Variants in TGM6 observed in about 807,000 individuals in gnomAD.
The protein encoded by TGM6 is transglutaminase 6.
Under a neutral mutation model 77.5 loss-of-function variants are expected in TGM6, and 74 were observed. The ratio of observed to expected loss-of-function variants is 0.96; its 90% CI spans 0.79 to 1.16. The LOEUF is 1.16. Ranked by LOEUF, TGM6 falls within the 50% of genes most tolerant of loss-of-function variation. The pLI is 0.00. For missense variants in TGM6, 968 were observed against 940.2 expected (o/e 1.03, Z -0.39); for synonymous variants, 383 against 378.9 (o/e 1.01, Z -0.12).
intron 9 of TGM6, among the ~76,000 whole-genome samples, chr20:2,412,799 A>G (rs2084792497): frequency 6.6e-6 from 1 of 152,184 alleles, no homozygotes; most frequent in Non-Finnish European, 1.5e-5. Context: ...AAAAAGAATA[A>G]AGTACTTAGG....
At chr20:2,386,734 C>T (rs1180301275) in intron 1 of TGM6, among the ~76,000 whole-genome samples, 1 of 152,102 alleles carries the variant, frequency 6.6e-6, no homozygotes, top group African/African-American at 2.4e-5. Flanking sequence ...ATCCCACCAC[C>T]TCCTCTTGCC....
chr20:2,430,646 TC>T, intron 11 of TGM6, 46 bp downstream of exon 11: 1 of 1,612,596 alleles, frequency 6.2e-7, no homozygotes, highest in Non-Finnish European at 8.5e-7. Flanking sequence ...TGGCACCCAC[TC>T]CCCAGAGCTG....
At chr20:2,422,625 C>T (rs750425096) in intron 10 of TGM6, among the ~76,000 whole-genome samples, 5 of 151,950 alleles carry the variant, frequency 3.3e-5, no homozygotes, top group East Asian at 1.9e-4. Flanking sequence ...AAATACTTTA[C>T]GGCTATAAAA....
At chr20:2,412,360 A>G (rs1391943951) in intron 9 of TGM6, among the ~76,000 whole-genome samples, 1 of 152,192 alleles carries the variant, frequency 6.6e-6, no homozygotes, top group Admixed American at 6.5e-5. Context: ...ATTATTGTTT[A>G]ATAGGTATAG....
In TGM6 at chr20:2,395,462, A is replaced by T. The variant is rs759000336; in HGVS notation, c.424+26A>T. ...GTAGGAGTGGCCAAGTCCAATGCAG[A>T]GGTTTTTCCAAAAGACATCCTTAGA... On this transcript the variant is annotated intron_variant, in intron 3 of 12. Transcript: ENST00000202625. 3 of 1,614,098 alleles carry T rather than the reference A, an allele frequency of 1.9e-6. No homozygotes were observed. The African/African-American group carries it at 4.0e-5, about 22-fold the overall frequency.
chr20:2,407,538 G>A (rs992770618), intron 9 of TGM6, among the ~76,000 whole-genome samples: 1 of 152,192 alleles, frequency 6.6e-6, no homozygotes, highest in Admixed American at 6.5e-5. Flanking sequence ...ATAATTGCTT[G>A]CTGTCAGGAG....
Position 2,412,586 on chromosome 20 carries a change from A to T in TGM6, c.1337-4646A>T, listed in dbSNP as rs555245181. 2.6e-5 allele frequency among the ~76,000 whole-genome samples: 4 copies of T among 152,302 alleles called. No homozygotes were observed. In the South Asian group the frequency reaches 8.3e-4, roughly 32 times the overall value. ...GAAATGGAAACAGAGAAATTTCCAA[A>T]TTGGAAAGAAATTTGCACATGACAT... On this transcript the variant is annotated intron_variant, in intron 9 of 12. Coordinates refer to ENST00000202625, the MANE Select transcript of TGM6 (RefSeq NM_198994.3).
At position 2,394,577 on chromosome 20, in the gene TGM6, AG is replaced by A; in HGVS notation, c.134del (p.Ser45ThrfsTer53). On this transcript the variant is annotated frameshift_variant, in exon 2 of 13. Transcript: ENST00000202625. LOFTEE classifies it high-confidence loss of function. Reference sequence around the variant, plus strand: ...GTCGTTCAGCCTCACGCTGGAGCTGAGCAGAGCCCTGGACTGTGAGGAGATC... The same window carrying A: ...GTCGTTCAGCCTCACGCTGGAGCTGACAGAGCCCTGGACTGTGAGGAGATC... ...GQSFSLTLELSRALDCEEILI... is the reference protein window; with the variant it reads ...GQSFSLTLELXRALDCEEILI... The A allele has an allele frequency of 6.2e-7, 1 of 1,612,294 alleles. No homozygotes were observed. The highest frequency in any genetic ancestry group is 1.1e-5 in the South Asian group (1 of 90,904).
At chr20:2,401,200 T>C (rs1431500049) in intron 7 of TGM6, among the ~76,000 whole-genome samples, 1 of 74,544 alleles carries the variant, frequency 1.3e-5, no homozygotes, top group African/African-American at 4.7e-5. Context: ...AGAGTGAGAC[T>C]TCGTCTCAAA....
intron 12 of TGM6, among the ~76,000 whole-genome samples, chr20:2,432,278 C>T (rs1242575598): frequency 6.6e-6 from 1 of 152,108 alleles, no homozygotes; most frequent in Non-Finnish European, 1.5e-5. Flanking sequence ...GAACTCCTGA[C>T]CTCAGATGAT....
chr20:2,392,079 C>G (rs957203849), intron 1 of TGM6, among the ~76,000 whole-genome samples: 1 of 152,186 alleles, frequency 6.6e-6, no homozygotes, highest in Non-Finnish European at 1.5e-5. Flanking sequence ...CAATGCCTCT[C>G]CCTTAGGGTT....
chr20:2,430,621 C>A, intron 11 of TGM6, 21 bp downstream of exon 11: 1 of 1,613,692 alleles, frequency 6.2e-7, no homozygotes. Flanking sequence ...CCTGCATCTA[C>A]CATGCTGTTC....
intron 9 of TGM6, 112 bp from the exon 10 acceptor site, chr20:2,417,120 T>A: frequency 3.4e-6 from 3 of 885,552 alleles, no homozygotes; most frequent in Non-Finnish European, 3.6e-6. Flanking sequence ...ACACAAGGCA[T>A]GTGGCGCCGG....
At chr20:2,383,196 A>G (rs957634632) in intron 1 of TGM6, among the ~76,000 whole-genome samples, 9 of 152,240 alleles carry the variant, frequency 5.9e-5, no homozygotes, top group Non-Finnish European at 1.3e-4. Context: ...AATGGGGCCC[A>G]TTAAAAACCA....
chr20:2,418,063 A>G (rs1427656342), intron 10 of TGM6, among the ~76,000 whole-genome samples: 1 of 151,852 alleles, frequency 6.6e-6, no homozygotes, highest in Non-Finnish European at 1.5e-5. Context: ...CCCAGGCTGG[A>G]GTGAAGTGGT....
At chr20:2,387,870 C>T (rs1387589101) in intron 1 of TGM6, among the ~76,000 whole-genome samples, 1 of 152,196 alleles carries the variant, frequency 6.6e-6, no homozygotes, top group East Asian at 1.9e-4. Context: ...GGCTCAGTCC[C>T]ATGGCTTCCA....
chr20:2,388,198 C>A (rs1311369601), intron 1 of TGM6, among the ~76,000 whole-genome samples: 1 of 152,184 alleles, frequency 6.6e-6, no homozygotes, highest in Non-Finnish European at 1.5e-5. Flanking sequence ...GATATTATTG[C>A]AACCACCTTT....
chr20:2,425,682 C>A (rs1030863134), intron 10 of TGM6, among the ~76,000 whole-genome samples: 1 of 152,026 alleles, frequency 6.6e-6, no homozygotes, highest in Non-Finnish European at 1.5e-5. Context: ...TCTTTTGCCT[C>A]TTGACATAAA....
intron 7 of TGM6, among the ~76,000 whole-genome samples, chr20:2,401,408 G>A (rs897888127): frequency 6.6e-6 from 1 of 152,086 alleles, no homozygotes; most frequent in Admixed American, 6.6e-5. Context: ...CTGCAGACAC[G>A]AGCACATACA....
Sources: allele counts gnomAD v4.1 joint callset (sites outside exome capture counted in the v4.1 genomes callset), GRCh38; gene constraint gnomAD v4.1.1; transcripts MANE v1.5; gene names NCBI Gene and HGNC (gene_info 2026-07-23, HGNC 2026-07-21).